Variants in SLC25A21 observed in about 807,000 individuals in gnomAD.
The protein encoded by SLC25A21 is mitochondrial 2-oxodicarboxylate carrier.
SLC25A21 carries 47 observed loss-of-function variants against 43.8 expected under a neutral mutation model. The observed-to-expected ratio is 1.07, with a 90% CI of 0.85 to 1.37. The LOEUF is 1.37. Among genes scored for constraint, SLC25A21 ranks in the 40% most tolerant of loss-of-function variants. SLC25A21 has a pLI of 0.00. For missense variants in SLC25A21, 352 were observed against 350.2 expected (o/e 1.00, Z -0.04); for synonymous variants, 131 against 121.3 (o/e 1.08, Z -0.52).
At chr14:37,004,989 T>C (rs1306451376) in intron 1 of SLC25A21, among the ~76,000 whole-genome samples, 1 of 151,382 alleles carries the variant, frequency 6.6e-6, no homozygotes, top group East Asian at 1.9e-4. Context: ...AGTGGCTTTA[T>C]GATCCATATC....
intron 1 of SLC25A21, among the ~76,000 whole-genome samples, chr14:36,882,532 C>CA (rs1890765699): frequency 2.0e-5 from 3 of 152,072 alleles, no homozygotes; most frequent in Non-Finnish European, 2.9e-5. Flanking sequence ...TCTGTGTAGC[C>CA]AAAACAAATG....
chr14:36,984,452 T>G (rs1394905954), intron 1 of SLC25A21, among the ~76,000 whole-genome samples: 1 of 152,168 alleles, frequency 6.6e-6, no homozygotes, highest in Admixed American at 6.5e-5. Flanking sequence ...AACTTCAACT[T>G]TTTTATTTTT....
intron 1 of SLC25A21, among the ~76,000 whole-genome samples, chr14:36,986,582 C>A: frequency 6.6e-6 from 1 of 152,110 alleles, no homozygotes; most frequent in East Asian, 1.9e-4. Context: ...ATGTTAGCTC[C>A]TCCTACAGAG....
chr14:36,842,342 G>A (rs939575746), intron 2 of SLC25A21, among the ~76,000 whole-genome samples: 6 of 152,188 alleles, frequency 3.9e-5, no homozygotes, highest in African/African-American at 1.4e-4. Context: ...AATTAGGTGA[G>A]CCTTCCAAGA....
chr14:37,151,701 C>T (rs898479634), intron 1 of SLC25A21, among the ~76,000 whole-genome samples: 1 of 152,170 alleles, frequency 6.6e-6, no homozygotes, highest in African/African-American at 2.4e-5. Flanking sequence ...TGTCTGTCAT[C>T]AGCCTTGAAC....
At chr14:36,746,620 C>G (rs1014048818) in intron 3 of SLC25A21, among the ~76,000 whole-genome samples, 1 of 152,208 alleles carries the variant, frequency 6.6e-6, no homozygotes, top group Non-Finnish European at 1.5e-5. Context: ...CTTCACCAGA[C>G]AGCTCATTGA....
At chr14:36,913,555 T>A (rs1387134963) in intron 1 of SLC25A21, among the ~76,000 whole-genome samples, 1 of 152,146 alleles carries the variant, frequency 6.6e-6, no homozygotes, top group Non-Finnish European at 1.5e-5. Flanking sequence ...GGATTACAGG[T>A]GTGAGCCACC....
intron 4 of SLC25A21, among the ~76,000 whole-genome samples, chr14:36,730,601 G>C (rs965729824): frequency 6.6e-6 from 1 of 152,210 alleles, no homozygotes; most frequent in African/African-American, 2.4e-5. Context: ...GCTTCAGTGA[G>C]TGTTTGGGCA....
intron 1 of SLC25A21, among the ~76,000 whole-genome samples, chr14:36,961,788 G>A (rs1959499185): frequency 1.3e-5 from 2 of 152,122 alleles, no homozygotes. Flanking sequence ...AAGTAGAGAG[G>A]CATACCCCTC....
chr14:36,929,932 G>C (rs1892243021), intron 1 of SLC25A21, among the ~76,000 whole-genome samples: 1 of 152,088 alleles, frequency 6.6e-6, no homozygotes, highest in African/African-American at 2.4e-5. Flanking sequence ...GCTTCCACCT[G>C]GTCTCCTGGA....
chr14:36,742,844 G>A (rs1885326169), intron 3 of SLC25A21, among the ~76,000 whole-genome samples: 2 of 152,062 alleles, frequency 1.3e-5, no homozygotes, highest in Non-Finnish European at 2.9e-5. Context: ...TATGGTCTTT[G>A]GATTGATTTG....
At chr14:36,880,792 T>G (rs1321688438) in intron 1 of SLC25A21, among the ~76,000 whole-genome samples, 2 of 152,226 alleles carry the variant, frequency 1.3e-5, no homozygotes, top group Non-Finnish European at 2.9e-5. Context: ...TACAGAAGTA[T>G]GATATTGTTA....
chr14:36,967,409 T>C (rs1309722193), intron 1 of SLC25A21, among the ~76,000 whole-genome samples: 1 of 152,206 alleles, frequency 6.6e-6, no homozygotes, highest in Non-Finnish European at 1.5e-5. Context: ...CATGAGCACT[T>C]AGTAACCAGT....
At chr14:36,951,770 T>C (rs973156575) in intron 1 of SLC25A21, among the ~76,000 whole-genome samples, 4 of 152,200 alleles carry the variant, frequency 2.6e-5, no homozygotes, top group Non-Finnish European at 5.9e-5. Flanking sequence ...TACAGGCTTC[T>C]AGGTTATCCA....
At chr14:36,757,090 CA>C (rs58430384) in intron 3 of SLC25A21, among the ~76,000 whole-genome samples, 29,165 of 125,386 alleles carry the variant, frequency 0.23, 3,024 homozygotes, top group East Asian at 0.32. Flanking sequence ...CCCATCTTTA[CA>C]AAAAAAAAAA....
At chr14:36,923,812 A>T (rs554154711) in intron 1 of SLC25A21, among the ~76,000 whole-genome samples, 10 of 152,254 alleles carry the variant, frequency 6.6e-5, no homozygotes, top group South Asian at 4.1e-4. Flanking sequence ...GAATCTACAA[A>T]GAACTCAAAC....
At chr14:37,133,895 C>A (rs17106405) in intron 1 of SLC25A21, among the ~76,000 whole-genome samples, 54 of 152,288 alleles carry the variant, frequency 3.5e-4, no homozygotes, top group African/African-American at 1.2e-3. Context: ...TCCTGGCTCC[C>A]TTTTCTAGGT....
In SLC25A21 at chr14:36,832,258, A is replaced by AAT. The variant is rs374095770; in HGVS notation, c.120-18259_120-18258dup. ...AATCAACCTAATGATTCTACAAAAT[A>AAT]ATATATATATATATCTTCATTATAA... On this transcript the variant is annotated intron_variant, in intron 2 of 9. Transcript: ENST00000331299. Among the ~76,000 whole-genome samples, 420 of 151,518 alleles carry AAT rather than the reference A, an allele frequency of 2.8e-3. 2 individuals carry two copies. The East Asian group carries it at 0.03, about 11-fold the overall frequency.
intron 1 of SLC25A21, among the ~76,000 whole-genome samples, chr14:36,906,512 C>CTT (rs111778445): frequency 7.0e-5 from 10 of 143,106 alleles, no homozygotes; most frequent in African/African-American, 2.0e-4. Flanking sequence ...TCTTTCCTTC[C>CTT]TTTTTTTTTT....
Sources: allele counts gnomAD v4.1 joint callset (sites outside exome capture counted in the v4.1 genomes callset), GRCh38; gene constraint gnomAD v4.1.1; transcripts MANE v1.5; gene names NCBI Gene and HGNC (gene_info 2026-07-23, HGNC 2026-07-21).